VSTM2L: variants seen among roughly 807,000 people sequenced by gnomAD.
VSTM2L encodes V-set and transmembrane domain-containing protein 2-like protein.
VSTM2L carries 9 observed loss-of-function variants against 19.9 expected under a neutral mutation model. The observed-to-expected ratio is 0.45, with a 90% CI of 0.27 to 0.79. The LOEUF is 0.79. VSTM2L is among the 30% of genes least tolerant of loss of function. VSTM2L has a pLI of 0.15. For synonymous variants in VSTM2L, 127 were observed against 133.8 expected (o/e 0.95, Z 0.35); for missense variants, 286 against 295.5 (o/e 0.97, Z 0.24).
chr20:37,935,225 G>A (rs1260294781), intron 3 of VSTM2L, among the ~76,000 whole-genome samples: 2 of 152,108 alleles, frequency 1.3e-5, no homozygotes, highest in East Asian at 1.9e-4. Flanking sequence ...ATTACCCCCA[G>A]CCCCCCACCC....
intron 1 of VSTM2L, among the ~76,000 whole-genome samples, chr20:37,915,765 G>C (rs570045793): frequency 1.4e-4 from 22 of 152,126 alleles, no homozygotes; most frequent in Admixed American, 1.3e-3. Context: ...GGTCCTGGGT[G>C]GGGGGTCAGG....
Position 37,903,340 on chromosome 20 carries a change from G to A in VSTM2L, c.-11G>A, listed in dbSNP as rs757407237. 4 of 1,449,802 alleles carry A rather than the reference G, an allele frequency of 2.8e-6. No homozygotes were observed. Among genetic ancestry groups the A allele is most frequent in the African/African-American group, 1.5e-5 (1 of 67,396 alleles). 89.8% of individuals were successfully genotyped at this position (1,449,802 alleles called of 1,614,324 possible). A position where few individuals can be genotyped will look rare whatever the true frequency, so the allele number is the denominator to read the frequency against. ...TGTGAGGCGGCGGCGCCCCCGGCCC[G>A]AGAGCGCACGATGGGGGCCCCGCTC... On this transcript the variant is annotated 5_prime_UTR_variant, in exon 1 of 4. Transcript: ENST00000373461.
At chr20:37,938,059 G>A (rs2072950327) in intron 3 of VSTM2L, among the ~76,000 whole-genome samples, 1 of 152,118 alleles carries the variant, frequency 6.6e-6, no homozygotes, top group Non-Finnish European at 1.5e-5. Flanking sequence ...AATTGGTCTG[G>A]CTGTTGTGGA....
rs1320874204 is a variant in VSTM2L at position 37,903,480 on chromosome 20, G to T, written c.121+9G>T. The T allele has an allele frequency of 2.7e-6, 4 of 1,469,774 alleles. No homozygotes were observed. Among genetic ancestry groups the T allele is most frequent in the Non-Finnish European group, 3.6e-6 (4 of 1,116,632 alleles). The allele number at this position is 1,469,774 out of a possible 1,614,324, so 91.0% of individuals were successfully genotyped here. Reference sequence around the variant, plus strand: ...CCACGTCTCCGGCCACGGTGAGTTCGGTCGCCGCCCCCGCGGACTTCCCCA... The same window carrying T: ...CCACGTCTCCGGCCACGGTGAGTTCTGTCGCCGCCCCCGCGGACTTCCCCA... On this transcript the variant is annotated intron_variant, in intron 1 of 3. Coordinates refer to ENST00000373461, the MANE Select transcript of VSTM2L (RefSeq NM_080607.3).
chr20:37,928,454 A>G (rs973900278), intron 1 of VSTM2L, among the ~76,000 whole-genome samples: 1 of 152,210 alleles, frequency 6.6e-6, no homozygotes, highest in East Asian at 1.9e-4. Context: ...TTCATCATTC[A>G]AAAAGCACTT....
chr20:37,942,161 G>A (rs1440410878), intron 3 of VSTM2L, among the ~76,000 whole-genome samples: 1 of 152,160 alleles, frequency 6.6e-6, no homozygotes, highest in Non-Finnish European at 1.5e-5. Flanking sequence ...GTATGCATGT[G>A]ATGGAATACT....
intron 3 of VSTM2L, among the ~76,000 whole-genome samples, chr20:37,942,987 C>T (rs547239073): frequency 2.6e-5 from 4 of 152,142 alleles, no homozygotes; most frequent in African/African-American, 4.8e-5. Context: ...TTTTTTGAGA[C>T]GGAGTCTCGC....
chr20:37,903,417 G>A lies in VSTM2L; in HGVS notation c.67G>A (p.Gly23Ser). 2 of 1,488,468 alleles carry A rather than the reference G, an allele frequency of 1.3e-6. No individual in the cohort carries two copies. Among genetic ancestry groups the A allele is most frequent in the African/African-American group, 1.5e-5 (1 of 68,696 alleles). 92.2% of individuals were successfully genotyped at this position (1,488,468 alleles called of 1,614,324 possible). A position where few individuals can be genotyped will look rare whatever the true frequency, so the allele number is the denominator to read the frequency against. The change falls in exon 1 of 4, where the codon GGC becomes AGC. Residue 23 changes from glycine (G) to serine (S), a missense_variant. Gly to Ser is a moderately conservative substitution (Grantham distance 56). Coordinates refer to ENST00000373461, the MANE Select transcript of VSTM2L (RefSeq NM_080607.3). ...HYLALFLQLGGATRPAGHAPW... is the reference protein window; with the variant it reads ...HYLALFLQLGSATRPAGHAPW... ...CCTGGCACTTTTCCTGCAACTCGGC[G>A]GCGCCACGCGGCCCGCCGGCCACGC...
chr20:37,933,993 T>G (rs903621279), intron 3 of VSTM2L, among the ~76,000 whole-genome samples: 2 of 152,040 alleles, frequency 1.3e-5, no homozygotes, highest in Non-Finnish European at 2.9e-5. Context: ...GGGGACGGGG[T>G]GGGGGCACCC....
chr20:37,905,119 A>G (rs894906694), intron 1 of VSTM2L, among the ~76,000 whole-genome samples: 1 of 152,158 alleles, frequency 6.6e-6, no homozygotes, highest in Non-Finnish European at 1.5e-5. Context: ...TTTCCAGGAC[A>G]TTCATCTCCC....
chr20:37,932,196 T>A (rs1214953907), intron 2 of VSTM2L, among the ~76,000 whole-genome samples: 1 of 152,166 alleles, frequency 6.6e-6, no homozygotes, highest in Non-Finnish European at 1.5e-5. Flanking sequence ...AGCCTTTTTA[T>A]AAAGAGCTCT....
intron 1 of VSTM2L, 92 bp downstream of exon 1, chr20:37,903,563 C>T (rs1005676333): frequency 4.6e-6 from 6 of 1,315,424 alleles, no homozygotes; most frequent in Non-Finnish European, 3.9e-6. Context: ...CTCGAACCGG[C>T]GCCAGTCGTG....
intron 1 of VSTM2L, among the ~76,000 whole-genome samples, chr20:37,914,906 C>G (rs2072808437): frequency 6.6e-6 from 1 of 152,030 alleles, no homozygotes; most frequent in Admixed American, 6.5e-5. Flanking sequence ...TTCCTCAGAG[C>G]CCCCAGGCTG....
In VSTM2L at chr20:37,906,306, G is replaced by T. The variant is rs905053285; in HGVS notation, c.121+2835G>T. On this transcript the variant is annotated intron_variant, in intron 1 of 3. Transcript: ENST00000373461. The stretch of plus-strand genomic sequence containing the variant: ...GAAGAGGGCTTTTTCGAGGTGTGAG[G>T]AATGAATGGGGAGCATGTATCTCAA... 2.6e-5 allele frequency among the ~76,000 whole-genome samples: 4 copies of T among 152,200 alleles called. No individual in the cohort carries two copies. The East Asian group carries it at 7.7e-4, about 29-fold the overall frequency.
chr20:37,932,005 G>A (rs2072913277), intron 2 of VSTM2L, among the ~76,000 whole-genome samples: 1 of 152,216 alleles, frequency 6.6e-6, no homozygotes, highest in South Asian at 2.1e-4. Context: ...GAACGGGCAG[G>A]AGGCAGAGCT....
Position 37,917,624 on chromosome 20 carries a change from C to T in VSTM2L, c.122-14011C>T, listed in dbSNP as rs568690557. 3.9e-5 allele frequency among the ~76,000 whole-genome samples: 6 copies of T among 152,388 alleles called. No homozygotes were observed. In the South Asian group the frequency reaches 6.2e-4, roughly 16 times the overall value. On this transcript the variant is annotated intron_variant, in intron 1 of 3. Transcript: ENST00000373461. ...GCAGCTTGCACAATGCCACCCAGCA[C>T]GCCAGGGAGAGCTGTGGCTTGCATC...
In VSTM2L at chr20:37,945,224, G is replaced by A. The variant is rs2073002043; in HGVS notation, c.*971G>A. On this transcript the variant is annotated 3_prime_UTR_variant, in exon 4 of 4. Transcript: ENST00000373461. ...TCGGAATTGGCTGGCACCTCTGGCTGCCGCAGCTCAGTGATGACGTGGGGG... is the reference window on the plus strand; with the variant it reads ...TCGGAATTGGCTGGCACCTCTGGCTACCGCAGCTCAGTGATGACGTGGGGG... 1 of 985,544 alleles carries A rather than the reference G, an allele frequency of 1.0e-6. No homozygotes were observed. The highest frequency in any genetic ancestry group is 1.2e-6 in the Non-Finnish European group (1 of 830,000). 61.0% of individuals were successfully genotyped at this position (985,544 alleles called of 1,614,324 possible).
intron 2 of VSTM2L, among the ~76,000 whole-genome samples, chr20:37,932,639 AC>A (rs1423478729): frequency 1.3e-5 from 2 of 150,872 alleles, no homozygotes; most frequent in East Asian, 2.0e-4. Context: ...CCAACAACAT[AC>A]CCCCCATTAT....
rs1192794264 is a variant in VSTM2L, at chr20:37,944,572, T to A, written c.*319T>A. Reference sequence around the variant, plus strand: ...CTTCCTGTCACCAGCTTCTGTGGAGTCCAGTGTTTTGCTTTGCTTGCTTGT... The same window carrying A: ...CTTCCTGTCACCAGCTTCTGTGGAGACCAGTGTTTTGCTTTGCTTGCTTGT... On this transcript the variant is annotated 3_prime_UTR_variant, in exon 4 of 4. Coordinates refer to ENST00000373461, the MANE Select transcript of VSTM2L (RefSeq NM_080607.3). The A allele has an allele frequency of 6.2e-6, 7 of 1,135,702 alleles. No individual in the cohort carries two copies. Among genetic ancestry groups the A allele is most frequent in the Non-Finnish European group, 7.5e-6 (7 of 927,216 alleles). 70.4% of individuals were successfully genotyped at this position (1,135,702 alleles called of 1,614,324 possible).
Sources: allele counts gnomAD v4.1 joint callset (sites outside exome capture counted in the v4.1 genomes callset), GRCh38; gene constraint gnomAD v4.1.1; transcripts MANE v1.5; gene names NCBI Gene and HGNC (gene_info 2026-07-23, HGNC 2026-07-21).